Variants in AGAP1 observed in about 807,000 individuals in gnomAD.
AGAP1 encodes arf-GAP with GTPase, ANK repeat and PH domain-containing protein 1.
AGAP1 carries 29 observed loss-of-function variants against 105.3 expected under a neutral mutation model. The ratio of observed to expected loss-of-function variants is 0.28; its 90% CI spans 0.21 to 0.38. The LOEUF (loss-of-function observed/expected upper bound fraction) is 0.38. Among genes scored for constraint, AGAP1 ranks in the 10% least tolerant of loss-of-function variants. The pLI is 1.00. For synonymous variants in AGAP1, 509 were observed against 485.9 expected (o/e 1.05, Z -0.63); for missense variants, 998 against 1,165.1 (o/e 0.86, Z 2.09).
At chr2:235,797,719 T>C (rs777551570) in intron 6 of AGAP1, 40 bp from the exon 7 acceptor site, 3 of 1,613,410 alleles carry the variant, frequency 1.9e-6, no homozygotes, top group Non-Finnish European at 2.5e-6. Flanking sequence ...AATTTGGAAA[T>C]TGATTGACAT....
intron 16 of AGAP1, among the ~76,000 whole-genome samples, chr2:236,072,989 G>C (rs1226386359): frequency 6.6e-6 from 1 of 151,676 alleles, no homozygotes; most frequent in Non-Finnish European, 1.5e-5. Flanking sequence ...GCATTCAGGA[G>C]ATATTTATAT....
Position 235,816,711 on chromosome 2 carries a change from C to T in AGAP1, c.1050+9380C>T, listed in dbSNP as rs184358742. ...TTCAAGACCAGCCTGGCCAACATAGCAAAAACCCATCTCTACTAAAAATAC... is the reference window on the plus strand; with the variant it reads ...TTCAAGACCAGCCTGGCCAACATAGTAAAAACCCATCTCTACTAAAAATAC... On this transcript the variant is annotated intron_variant, in intron 9 of 17. Transcript: ENST00000304032. Among the ~76,000 whole-genome samples, 256 of 151,950 alleles carry T rather than the reference C, an allele frequency of 1.7e-3. 1 individual carries two copies. The highest frequency in any genetic ancestry group is 4.3e-3 in the African/African-American group (180 of 41,444).
At chr2:235,670,629 G>C (rs1948348894) in intron 1 of AGAP1, 1 of 614,564 alleles carries the variant, frequency 1.6e-6, no homozygotes, top group African/African-American at 1.9e-5. Context: ...CGCCACAGCA[G>C]CTCCGGGAGC....
chr2:235,501,400 G>A (rs866586397), intron 1 of AGAP1, among the ~76,000 whole-genome samples: 2 of 152,210 alleles, frequency 1.3e-5, no homozygotes, highest in South Asian at 2.1e-4. Flanking sequence ...TGATAATTTG[G>A]CAGATGACAC....
Position 236,009,977 on chromosome 2 carries a change from C to G in AGAP1, c.1646-26584C>G, listed in dbSNP as rs1319111577. On this transcript the variant is annotated intron_variant, in intron 13 of 17. Transcript: ENST00000304032. This position sits in a 1 kb window ranked among gnomAD's most constrained non-coding sequence, Gnocchi z 4.2. ...TGGAGGAAGAGTTTGGAATAAAACC[C>G]TGCTCGTTTGAGCATGCCAGCAGAC... 6.6e-6 allele frequency among the ~76,000 whole-genome samples: 1 copy of G among 152,118 alleles called. No homozygotes were observed. The highest frequency in any genetic ancestry group is 1.9e-4 in the East Asian group (1 of 5,186).
chr2:235,615,859 A>G lies in AGAP1; in HGVS notation c.164-93320A>G, dbSNP rs530978800. Among the ~76,000 whole-genome samples the G allele has an allele frequency of 1.2e-4, 19 of 152,332 alleles. No homozygotes were observed. Among genetic ancestry groups the G allele is most frequent in the African/African-American group, 4.6e-4 (19 of 41,578 alleles). ...AACAGAACACCTTCTGAACAGCACAAACACTTGTAGCAAAATTAAAAGACC... is the reference window on the plus strand; with the variant it reads ...AACAGAACACCTTCTGAACAGCACAGACACTTGTAGCAAAATTAAAAGACC... On this transcript the variant is annotated intron_variant, in intron 1 of 17. Coordinates refer to ENST00000304032, the MANE Select transcript of AGAP1 (RefSeq NM_001037131.3). This position sits in a 1 kb window ranked among gnomAD's most constrained non-coding sequence, Gnocchi z 5.0.
At chr2:235,494,934 C>T (rs1045785797) in intron 1 of AGAP1, 85 bp downstream of exon 1, 3 of 1,315,882 alleles carry the variant, frequency 2.3e-6, no homozygotes, top group Non-Finnish European at 3.0e-6. Context: ...GTGCGGGTGT[C>T]CACACACGCC....
In AGAP1 at chr2:235,551,052, G is replaced by A. The variant is rs1943791968; in HGVS notation, c.163+56203G>A. On this transcript the variant is annotated intron_variant, in intron 1 of 17. Coordinates refer to ENST00000304032, the MANE Select transcript of AGAP1 (RefSeq NM_001037131.3). The surrounding 1 kb of genome is among the most constrained non-coding windows in gnomAD (Gnocchi z 4.8). Reference sequence around the variant, plus strand: ...GCCTCTGAAAGTGCTGGGATTACAGGCGTGAGCCACCGCGCTCGGCCATAG... The same window carrying A: ...GCCTCTGAAAGTGCTGGGATTACAGACGTGAGCCACCGCGCTCGGCCATAG... 6.6e-6 allele frequency among the ~76,000 whole-genome samples: 1 copy of A among 152,172 alleles called. No individual in the cohort carries two copies. The highest frequency in any genetic ancestry group is 1.5e-5 in the Non-Finnish European group (1 of 68,034).
chr2:235,744,154 G>C lies in AGAP1; in HGVS notation c.397-544G>C, dbSNP rs1223942751. Among the ~76,000 whole-genome samples the C allele has an allele frequency of 6.6e-6, 1 of 152,214 alleles. No homozygotes were observed. The highest frequency in any genetic ancestry group is 1.5e-5 in the Non-Finnish European group (1 of 68,044). On this transcript the variant is annotated intron_variant, in intron 4 of 17. Coordinates refer to ENST00000304032, the MANE Select transcript of AGAP1 (RefSeq NM_001037131.3). This position sits in a 1 kb window ranked among gnomAD's most constrained non-coding sequence, Gnocchi z 5.2. ...ATTTCTTTGCAGAGGTGCAGCAGGAGTTCAGCCAAGGATGAGCCTGGGTTG... is the reference window on the plus strand; with the variant it reads ...ATTTCTTTGCAGAGGTGCAGCAGGACTTCAGCCAAGGATGAGCCTGGGTTG...
At position 235,904,683 on chromosome 2, in the gene AGAP1, G is replaced by A. The variant is rs973870338; in HGVS notation, c.1156-4055G>A. Among the ~76,000 whole-genome samples, 1 of 152,164 alleles carries A rather than the reference G, an allele frequency of 6.6e-6. No individual in the cohort carries two copies. The highest frequency in any genetic ancestry group is 2.4e-5 in the African/African-American group (1 of 41,446). Reference sequence around the variant, plus strand: ...CTCAGACCCGTGAAGGGTCTGCACAGCCCCTTGACTTCTACGGAGGACATT... The same window carrying A: ...CTCAGACCCGTGAAGGGTCTGCACAACCCCTTGACTTCTACGGAGGACATT... On this transcript the variant is annotated intron_variant, in intron 10 of 17. Transcript: ENST00000304032. This position sits in a 1 kb window ranked among gnomAD's most constrained non-coding sequence, Gnocchi z 4.2.
rs1009082164 is a variant in AGAP1 at position 235,887,625 on chromosome 2, A to G, written c.1155+4176A>G. Among the ~76,000 whole-genome samples, 3 of 152,170 alleles carry G rather than the reference A, an allele frequency of 2.0e-5. No homozygotes were observed. Among genetic ancestry groups the G allele is most frequent in the Non-Finnish European group, 4.4e-5 (3 of 68,034 alleles). On this transcript the variant is annotated intron_variant, in intron 10 of 17. Transcript: ENST00000304032. The surrounding 1 kb of genome is among the most constrained non-coding windows in gnomAD (Gnocchi z 4.1). ...CGGAGCAGGGGCCTGCATTGATCTC[A>G]TATAGCATAGCCTACAGCCCGTTCT...
intron 6 of AGAP1, among the ~76,000 whole-genome samples, chr2:235,784,050 T>C (rs1019161767): frequency 4.6e-5 from 7 of 152,156 alleles, no homozygotes; most frequent in African/African-American, 1.7e-4. Flanking sequence ...GTTACAATTA[T>C]AAAATGTAGC....
At chr2:235,838,189 A>AC (rs961942351) in intron 9 of AGAP1, among the ~76,000 whole-genome samples, 11 of 140,002 alleles carry the variant, frequency 7.9e-5, no homozygotes, top group Non-Finnish European at 1.6e-4. Context: ...GTGTCCCCCC[A>AC]CCCCCCCAAA....
rs2050411772 is a variant in AGAP1 at position 235,889,276 on chromosome 2, A to G, written c.1155+5827A>G. Among the ~76,000 whole-genome samples, 1 of 152,180 alleles carries G rather than the reference A, an allele frequency of 6.6e-6. No individual in the cohort carries two copies. Among genetic ancestry groups the G allele is most frequent in the Non-Finnish European group, 1.5e-5 (1 of 68,044 alleles). ...TGGCTTCAGAACAAAGCAGCCAGTC[A>G]TGAAACTGGGGAAACCTGACATTGC... is the stretch of plus-strand genomic sequence containing the variant. On this transcript the variant is annotated intron_variant, in intron 10 of 17. Coordinates refer to ENST00000304032, the MANE Select transcript of AGAP1 (RefSeq NM_001037131.3). The surrounding 1 kb of genome is among the most constrained non-coding windows in gnomAD (Gnocchi z 4.6).
rs1386685453 is a variant in AGAP1 at position 235,981,339 on chromosome 2, T to C, written c.1645+12716T>C. On this transcript the variant is annotated intron_variant, in intron 13 of 17. Coordinates refer to ENST00000304032, the MANE Select transcript of AGAP1 (RefSeq NM_001037131.3). The surrounding 1 kb of genome is among the most constrained non-coding windows in gnomAD (Gnocchi z 5.5). ...CTTTCTTGCTTTCTTCAGGTAGGAATGATTTTCCCCTTCAGTTGGTTTTCT... is the reference window on the plus strand; with the variant it reads ...CTTTCTTGCTTTCTTCAGGTAGGAACGATTTTCCCCTTCAGTTGGTTTTCT... 6.6e-6 allele frequency among the ~76,000 whole-genome samples: 1 copy of C among 152,160 alleles called. No individual in the cohort carries two copies. The highest frequency in any genetic ancestry group is 1.5e-5 in the Non-Finnish European group (1 of 68,040).
At position 235,665,724 on chromosome 2, in the gene AGAP1, T is replaced by C. The variant is rs1948105208; in HGVS notation, c.164-43455T>C. ...ACCCACGGAGGGGCTCTTGGTGGGC[T>C]CCCGGGGTGGGCATGCTCAGGCCTG... On this transcript the variant is annotated intron_variant, in intron 1 of 17. Transcript: ENST00000304032. This position sits in a 1 kb window ranked among gnomAD's most constrained non-coding sequence, Gnocchi z 5.3. Among the ~76,000 whole-genome samples, 1 of 152,094 alleles carries C rather than the reference T, an allele frequency of 6.6e-6. No individual in the cohort carries two copies. The highest frequency in any genetic ancestry group is 1.5e-5 in the Non-Finnish European group (1 of 68,016).
chr2:235,529,519 A>T (rs1559226613), intron 1 of AGAP1, among the ~76,000 whole-genome samples: 1 of 152,178 alleles, frequency 6.6e-6, no homozygotes, highest in African/African-American at 2.4e-5. Flanking sequence ...TCTGTGGGAC[A>T]GGGGACAGCT....
chr2:236,110,551 A>G (rs1285953900), intron 16 of AGAP1, among the ~76,000 whole-genome samples: 1 of 152,198 alleles, frequency 6.6e-6, no homozygotes, highest in African/African-American at 2.4e-5. Flanking sequence ...TGATAAAGCC[A>G]GACCCTGTCT....
At chr2:235,704,329 A>G (rs1950414403) in intron 1 of AGAP1, among the ~76,000 whole-genome samples, 1 of 152,228 alleles carries the variant, frequency 6.6e-6, no homozygotes, top group South Asian at 2.1e-4. Context: ...AAGTGTGGAC[A>G]AAGCTCTGCA....
Sources: allele counts gnomAD v4.1 joint callset (sites outside exome capture counted in the v4.1 genomes callset), GRCh38; gene constraint gnomAD v4.1.1; non-coding constraint Gnocchi (gnomAD v3.1); transcripts MANE v1.5; gene names NCBI Gene and HGNC (gene_info 2026-07-23, HGNC 2026-07-21).